Variants in HIVEP1 observed in about 807,000 individuals in gnomAD.
HIVEP1 encodes the protein HIVEP zinc finger 1.
In HIVEP1, 36 loss-of-function variants were observed where a neutral mutation model predicts 180.0. The observed-to-expected ratio is 0.20, with a 90% CI of 0.15 to 0.26. The LOEUF (loss-of-function observed/expected upper bound fraction) is 0.26, where lower values mean the gene tolerates loss of function less well. Among genes scored for constraint, HIVEP1 ranks in the 10% least tolerant of loss-of-function variants. The pLI is 1.00. For missense variants in HIVEP1, 3,143 were observed against 3,268.7 expected, an observed-to-expected ratio of 0.96 and a Z score of 0.94; for synonymous variants, 1,239 against 1,239.0, an observed-to-expected ratio of 1.00 and a Z score of 0.00.
chr6:12,067,857 A>G (rs1173214591), intron 2 of HIVEP1, among the ~76,000 whole-genome samples: 2 of 152,122 alleles, frequency 1.3e-5, no homozygotes, highest in Admixed American at 1.3e-4. Flanking sequence ...GTAAGATGTT[A>G]GGGTGTTTGT....
intron 7 of HIVEP1, among the ~76,000 whole-genome samples, chr6:12,151,846 A>G (rs1759722639): frequency 6.6e-6 from 1 of 152,238 alleles, no homozygotes; most frequent in African/African-American, 2.4e-5. Flanking sequence ...GGAGAGCCAC[A>G]TGCAGCTGGT....
the HIVEP1 span, among the ~76,000 whole-genome samples, chr6:12,204,424 C>T: frequency 3.2e-5 from 4 of 123,670 alleles, no homozygotes; most frequent in African/African-American, 8.8e-5. Context: ...CCCTCATCTA[C>T]GGAGTGCTTC....
intron 2 of HIVEP1, chr6:12,037,799 C>G: frequency 2.2e-6 from 1 of 446,292 alleles, no homozygotes; most frequent in Non-Finnish European, 4.0e-6. Flanking sequence ...CTTCTGGGGA[C>G]AAGCTAAGGC....
At chr6:12,009,266 G>T (rs1299262304), upstream of HIVEP1, among the ~76,000 whole-genome samples, 2 of 150,858 alleles carry the variant, frequency 1.3e-5, no homozygotes, top group South Asian at 2.1e-4. Context: ...CGGCGGGGGC[G>T]GGCAGGGTGG....
At chr6:12,007,753 A>C (rs1767087134), upstream of HIVEP1, 1 of 150,104 alleles carries the variant, frequency 6.7e-6, no homozygotes, top group Admixed American at 6.6e-5. Context: ...TCAATATCCC[A>C]CTGAGAACTC....
the HIVEP1 span, among the ~76,000 whole-genome samples, chr6:12,191,511 T>C: frequency 1.2e-4 from 18 of 152,188 alleles, no homozygotes; most frequent in African/African-American, 3.9e-4. Flanking sequence ...GGAGGATTGC[T>C]TGAGCCCAGA....
the HIVEP1 span, among the ~76,000 whole-genome samples, chr6:12,190,882 G>A: frequency 6.6e-6 from 1 of 152,158 alleles, no homozygotes; most frequent in Non-Finnish European, 1.5e-5. Flanking sequence ...TGTATTACAA[G>A]TTAGCAGGAA....
intron 3 of HIVEP1, among the ~76,000 whole-genome samples, chr6:12,099,183 G>GTTTTTTTTTTTTTTTTT (rs66482971): frequency 7.2e-6 from 1 of 138,462 alleles, no homozygotes; most frequent in African/African-American, 2.7e-5. Flanking sequence ...ATGTCACTGA[G>GTTTTTTTTTTTTTTTTT]TTTTTTTTTT....
chr6:12,210,004 C>G, the HIVEP1 span, among the ~76,000 whole-genome samples: 2 of 151,898 alleles, frequency 1.3e-5, no homozygotes, highest in Admixed American at 1.3e-4. Flanking sequence ...GTAAGCCCAG[C>G]TACTCGGAGA....
At chr6:12,108,337 C>T (rs1174836315) in intron 3 of HIVEP1, among the ~76,000 whole-genome samples, 1 of 152,252 alleles carries the variant, frequency 6.6e-6, no homozygotes, top group Non-Finnish European at 1.5e-5. Flanking sequence ...CCAGTAGATC[C>T]TGCACCAGGA....
chr6:12,085,746 G>A (rs1242130430), intron 2 of HIVEP1, among the ~76,000 whole-genome samples: 5 of 152,102 alleles, frequency 3.3e-5, no homozygotes, highest in East Asian at 1.9e-4. Context: ...CTCCCCACAC[G>A]CACTTTAGCA....
the HIVEP1 span, among the ~76,000 whole-genome samples, chr6:12,210,009 C>G: frequency 6.6e-6 from 1 of 151,754 alleles, no homozygotes; most frequent in Non-Finnish European, 1.5e-5. Flanking sequence ...CCCAGCTACT[C>G]GGAGAATCGC....
intron 2 of HIVEP1, among the ~76,000 whole-genome samples, chr6:12,053,321 G>C (rs1770656735): frequency 6.6e-6 from 1 of 151,714 alleles, no homozygotes; most frequent in African/African-American, 2.4e-5. Flanking sequence ...TGTCCTGACT[G>C]TCAATTTGTG....
chr6:12,185,544 T>A, the HIVEP1 span, among the ~76,000 whole-genome samples: 1 of 152,126 alleles, frequency 6.6e-6, no homozygotes, highest in Non-Finnish European at 1.5e-5. Flanking sequence ...ACGTAATACC[T>A]CAGGCATTCT....
intron 2 of HIVEP1, among the ~76,000 whole-genome samples, chr6:12,085,775 G>A (rs1310494274): frequency 1.3e-5 from 2 of 152,142 alleles, no homozygotes; most frequent in Non-Finnish European, 2.9e-5. Flanking sequence ...AGAATGGTCA[G>A]AGAGCAAGGG....
At chr6:12,139,827 G>T (rs533369354) in intron 7 of HIVEP1, among the ~76,000 whole-genome samples, 2 of 152,348 alleles carry the variant, frequency 1.3e-5, no homozygotes, top group South Asian at 4.1e-4. Context: ...TAAACAAAGA[G>T]GCTGGGGAAG....
the HIVEP1 span, among the ~76,000 whole-genome samples, chr6:12,211,147 C>A: frequency 6.7e-6 from 1 of 149,206 alleles, no homozygotes; most frequent in African/African-American, 2.5e-5. Flanking sequence ...CGCCTGTGAT[C>A]CCAGCACTTT....
At position 12,012,444 on chromosome 6, in the gene HIVEP1, C is replaced by T. The variant is rs1338048729; in HGVS notation, c.-226C>T. 1 of 149,156 alleles carries T rather than the reference C, an allele frequency of 6.7e-6. No homozygotes were observed. The highest frequency in any genetic ancestry group is 2.0e-4 in the East Asian group (1 of 5,116). 9.2% of individuals were successfully genotyped at this position (149,156 alleles called of 1,614,324 possible). On this transcript the variant is annotated 5_prime_UTR_variant, in exon 1 of 9. Coordinates refer to ENST00000379388, the MANE Select transcript of HIVEP1 (RefSeq NM_002114.4). ...GGGTTGTCAAGTGAAGGAGGGATCC[C>T]AGGCGCCGCCGCCGCCGCCGCGCGG... is the stretch of plus-strand genomic sequence containing the variant.
chr6:12,130,080 T>A (rs1758335761), intron 5 of HIVEP1, among the ~76,000 whole-genome samples, 188 bp downstream of exon 5: 1 of 152,154 alleles, frequency 6.6e-6, no homozygotes, highest in Non-Finnish European at 1.5e-5. Flanking sequence ...GATGGAGAAA[T>A]GATGACTATT....
Sources: allele counts gnomAD v4.1 joint callset (sites outside exome capture counted in the v4.1 genomes callset), GRCh38; gene constraint gnomAD v4.1.1; transcripts MANE v1.5; gene names NCBI Gene and HGNC (gene_info 2026-07-23, HGNC 2026-07-21).